The following CDK14 variants were observed in gnomAD, a reference collection of about 807,000 sequenced individuals.
The protein encoded by CDK14 is cyclin dependent kinase 14.
A neutral mutation model predicts 60.7 loss-of-function variants in CDK14; 34 were observed. That is an observed-to-expected ratio of 0.56 (90% CI 0.43 to 0.75). The LOEUF (loss-of-function observed/expected upper bound fraction) is 0.75. Ranked by LOEUF, CDK14 falls within the 30% of genes least tolerant of loss-of-function variation. CDK14 has a pLI of 0.00. For synonymous variants in CDK14, 197 were observed against 203.7 expected (o/e 0.97, Z 0.28); for missense variants, 482 against 564.1 (o/e 0.85, Z 1.47).
intron 11 of CDK14, among the ~76,000 whole-genome samples, chr7:91,073,796 T>A (rs868431460): frequency 2.8e-5 from 4 of 141,994 alleles, no homozygotes; most frequent in African/African-American, 8.0e-5. Flanking sequence ...AAATAAGGGA[T>A]GGAGGAAAAT....
intron 2 of CDK14, among the ~76,000 whole-genome samples, chr7:90,633,340 C>G (rs1377102340): frequency 6.6e-6 from 1 of 152,074 alleles, no homozygotes; most frequent in South Asian, 2.1e-4. Flanking sequence ...TTGGCTTATG[C>G]GTAAGTTAGA....
chr7:90,989,566 G>A (rs1795473937), intron 10 of CDK14, among the ~76,000 whole-genome samples: 2 of 152,122 alleles, frequency 1.3e-5, no homozygotes, highest in South Asian at 4.1e-4. Context: ...CAAGGCAGGT[G>A]GGCAAGGCAT....
chr7:90,649,304 C>CTT (rs1170664262), intron 2 of CDK14, among the ~76,000 whole-genome samples: 1 of 66,466 alleles, frequency 1.5e-5, no homozygotes, highest in South Asian at 7.4e-4. Flanking sequence ...TTCTTTCTTT[C>CTT]TTTCTTTCCT....
At chr7:91,083,806 AG>A (rs1201066584) in intron 12 of CDK14, among the ~76,000 whole-genome samples, 4 of 152,196 alleles carry the variant, frequency 2.6e-5, no homozygotes, top group African/African-American at 9.6e-5. Context: ...CCAAAGATTC[AG>A]GTTGCAAGCA....
intron 6 of CDK14, among the ~76,000 whole-genome samples, chr7:90,871,393 G>A (rs1338562649): frequency 1.3e-5 from 2 of 152,118 alleles, no homozygotes; most frequent in Non-Finnish European, 1.5e-5. Context: ...GTGTATGGGA[G>A]TATGCACAGA....
Position 90,917,644 on chromosome 7 carries a change from A to G in CDK14, c.746A>G (p.Gln249Arg), listed in dbSNP as rs775861080. 1 of 1,613,706 alleles carries G rather than the reference A, an allele frequency of 6.2e-7. No homozygotes were observed. Residue 249 changes from glutamine to arginine, a missense_variant, in exon 8 of 15, where the codon CAG (glutamine) becomes CGG (arginine). Physicochemically the swap from Gln to Arg is conservative, Grantham distance 43. Coordinates refer to ENST00000380050, the MANE Select transcript of CDK14 (RefSeq NM_001287135.2). ...CTGCGAGGTCTGTCTTACATCCACC[A>G]GCGTTATATTTTGCACAGAGACCTG... ...QLLRGLSYIHQRYILHRDLKP... is the reference protein window; with the variant it reads ...QLLRGLSYIHRRYILHRDLKP...
At position 90,747,674 on chromosome 7, in the gene CDK14, T is replaced by A. The variant is rs576065715; in HGVS notation, c.370-7T>A. ...TCTGTTTTGTTTACCCTGTGCTTCATTTTTAGCCAACAAGTCCCAAATTTG... is the reference window on the plus strand; with the variant it reads ...TCTGTTTTGTTTACCCTGTGCTTCAATTTTAGCCAACAAGTCCCAAATTTG... On this transcript the variant is annotated splice_region_variant and splice_polypyrimidine_tract_variant and intron_variant, in intron 3 of 14. Coordinates refer to ENST00000380050, the MANE Select transcript of CDK14 (RefSeq NM_001287135.2). 1.5e-5 allele frequency: 24 copies of A among 1,568,100 alleles called. No homozygotes were observed. In the Middle Eastern group the frequency reaches 1.0e-3, roughly 66 times the overall value.
At chr7:91,115,995 CTGGCTAATTCTGG>C (rs1799598280) in intron 13 of CDK14, among the ~76,000 whole-genome samples, 1 of 152,232 alleles carries the variant, frequency 6.6e-6, no homozygotes, top group Admixed American at 6.5e-5. Flanking sequence ...GCTGTTAAAG[CTGGCTAATTCTGG>C]TGGCACCCTG....
At chr7:91,035,515 AT>A (rs911464049) in intron 10 of CDK14, among the ~76,000 whole-genome samples, 11 of 151,800 alleles carry the variant, frequency 7.2e-5, no homozygotes, top group African/African-American at 2.7e-4. Context: ...ATCCCAAAAC[AT>A]TTTTTTCTCA....
At chr7:90,802,087 A>C (rs965087451) in intron 5 of CDK14, among the ~76,000 whole-genome samples, 2 of 152,180 alleles carry the variant, frequency 1.3e-5, no homozygotes, top group Non-Finnish European at 2.9e-5. Context: ...TTGCAGGGAG[A>C]GGAAGAAAGG....
intron 2 of CDK14, among the ~76,000 whole-genome samples, chr7:90,629,103 G>A (rs1799937818): frequency 6.6e-6 from 1 of 151,934 alleles, no homozygotes; most frequent in Admixed American, 6.6e-5. Flanking sequence ...ATTCAGAGAT[G>A]ATTTCATTAC....
At chr7:90,922,742 A>G (rs575278997) in intron 8 of CDK14, among the ~76,000 whole-genome samples, 17 of 152,290 alleles carry the variant, frequency 1.1e-4, no homozygotes, top group Admixed American at 9.8e-4. Flanking sequence ...TGATAATGAC[A>G]TCTAATTATA....
intron 10 of CDK14, among the ~76,000 whole-genome samples, chr7:91,032,873 A>G (rs1199209478): frequency 2.0e-5 from 3 of 152,356 alleles, no homozygotes; most frequent in South Asian, 2.1e-4. Flanking sequence ...CTAAAACACA[A>G]TTGAGGATGT....
intron 11 of CDK14, among the ~76,000 whole-genome samples, chr7:91,059,505 A>C (rs1309240556): frequency 6.6e-6 from 1 of 151,936 alleles, no homozygotes; most frequent in Non-Finnish European, 1.5e-5. Context: ...TTAGGGTGTC[A>C]ATTTTAGATC....
intron 2 of CDK14, among the ~76,000 whole-genome samples, chr7:90,639,088 A>G (rs912011822): frequency 6.6e-6 from 1 of 152,170 alleles, no homozygotes; most frequent in Non-Finnish European, 1.5e-5. Flanking sequence ...TTCCTCCTGT[A>G]GCTCGGAGTA....
intron 4 of CDK14, among the ~76,000 whole-genome samples, chr7:90,752,401 A>G (rs892567852): frequency 8.5e-5 from 13 of 152,224 alleles, no homozygotes; most frequent in Non-Finnish European, 1.9e-4. Flanking sequence ...AAATTAAACA[A>G]CTTCCTCCTG....
At chr7:90,747,635 T>C in intron 3 of CDK14, 46 bp from the exon 4 acceptor site, 1 of 1,107,686 alleles carries the variant, frequency 9.0e-7, no homozygotes, top group Non-Finnish European at 1.3e-6. Flanking sequence ...TTGTTGTTAA[T>C]TAATTTGATA....
intron 4 of CDK14, among the ~76,000 whole-genome samples, chr7:90,764,289 G>A (rs1423610940): frequency 6.6e-6 from 1 of 152,180 alleles, no homozygotes; most frequent in Non-Finnish European, 1.5e-5. Context: ...GACCTACTCA[G>A]GTGCCTTACT....
chr7:90,959,688 A>G (rs1794540752), intron 9 of CDK14, among the ~76,000 whole-genome samples: 1 of 152,192 alleles, frequency 6.6e-6, no homozygotes, highest in East Asian at 1.9e-4. Flanking sequence ...GGAAATAAAA[A>G]AATGAATGAA....
Sources: allele counts gnomAD v4.1 joint callset (sites outside exome capture counted in the v4.1 genomes callset), GRCh38; gene constraint gnomAD v4.1.1; transcripts MANE v1.5; gene names NCBI Gene and HGNC (gene_info 2026-07-23, HGNC 2026-07-21).